The following ITPRID1 variants were observed in gnomAD, a reference collection of about 807,000 sequenced individuals.
ITPRID1 encodes protein ITPRID1.
ITPRID1 carries 96 observed loss-of-function variants against 95.4 expected under a neutral mutation model. The observed-to-expected ratio is 1.01, with a 90% CI of 0.85 to 1.19. The LOEUF (loss-of-function observed/expected upper bound fraction) is 1.19, where lower values mean the gene tolerates loss of function less well. Ranked by LOEUF, ITPRID1 falls within the 50% of genes most tolerant of loss-of-function variation. The probability of loss-of-function intolerance (pLI) is 0.00; values close to 1 mark genes in which losing one functional copy is unlikely to be tolerated. For synonymous variants in ITPRID1, 510 were observed against 453.6 expected, an observed-to-expected ratio of 1.12 and a Z score of -1.58; for missense variants, 1,339 against 1,252.9, an observed-to-expected ratio of 1.07 and a Z score of -1.04.
At chr7:31,636,810 G>A (rs1401205771) in intron 10 of ITPRID1, among the ~76,000 whole-genome samples, 6 of 151,284 alleles carry the variant, frequency 4.0e-5, no homozygotes, top group African/African-American at 1.2e-4. Flanking sequence ...CATGTGCCAT[G>A]TTGGTGTGCT....
chr7:31,601,555 A>T (rs1477992516), intron 10 of ITPRID1, among the ~76,000 whole-genome samples: 1 of 152,208 alleles, frequency 6.6e-6, no homozygotes, highest in Non-Finnish European at 1.5e-5. Context: ...TTGCTCAAAG[A>T]TGAAAGAAAC....
At chr7:31,523,949 T>C (rs1783346654) in intron 1 of ITPRID1, among the ~76,000 whole-genome samples, 1 of 152,214 alleles carries the variant, frequency 6.6e-6, no homozygotes, top group Non-Finnish European at 1.5e-5. Context: ...TGTAAAAGTG[T>C]TGGTTCTTCT....
chr7:31,621,370 A>AC (rs200704847), intron 10 of ITPRID1, among the ~76,000 whole-genome samples: 22,189 of 22,260 alleles, frequency 1, 11,061 homozygotes, highest in Middle Eastern at 1. Flanking sequence ...AGGTCGGGTT[A>AC]CCTCAAAGGG....
At chr7:31,569,660 T>C (rs921119762) in intron 5 of ITPRID1, 98 bp from the exon 6 acceptor site, 1 of 1,010,954 alleles carries the variant, frequency 9.9e-7, no homozygotes, top group African/African-American at 1.6e-5. Context: ...ACCTTGGATA[T>C]GGAAATTCAA....
At chr7:31,614,453 T>C (rs755401041) in intron 10 of ITPRID1, among the ~76,000 whole-genome samples, 4 of 152,186 alleles carry the variant, frequency 2.6e-5, no homozygotes, top group African/African-American at 7.2e-5. Context: ...GCACCCATTA[T>C]GTGTCCAGGG....
rs764276318 is a variant in ITPRID1, at chr7:31,642,822, T to C, written c.1452T>C (p.Ser484=). The change falls in exon 12 of 15, where the codon TCT becomes TCC. Residue 484 remains serine, a synonymous_variant. Coordinates refer to ENST00000615280, the MANE Select transcript of ITPRID1 (RefSeq NM_001257967.3). ...ATTCCAAAAGTAGGGCGAGCATGTC[T>C]TTTTCAAGCCAAGAAGCGAATGCCT... The part of the protein sequence containing the change: ...GPDSKSRASM[S]FSSQEANALE... 3.7e-6 allele frequency: 6 copies of C among 1,613,694 alleles called. No individual in the cohort carries two copies. The highest frequency in any genetic ancestry group is 1.3e-5 in the African/African-American group (1 of 74,926).
chr7:31,641,191 G>A (rs1789983026), intron 10 of ITPRID1, among the ~76,000 whole-genome samples: 1 of 152,108 alleles, frequency 6.6e-6, no homozygotes, highest in Non-Finnish European at 1.5e-5. Context: ...GCAGAGGCTG[G>A]GATCATTTCC....
In ITPRID1 at chr7:31,652,024, C is replaced by G. The variant is rs761551734; in HGVS notation, c.2797C>G (p.Gln933Glu). Residue 933 changes from glutamine (Q) to glutamate (E), a missense_variant, in exon 14 of 15, where the codon CAG (glutamine) becomes GAG (glutamate). By Grantham distance (29) the Gln-to-Glu change is conservative. Coordinates refer to ENST00000615280, the MANE Select transcript of ITPRID1 (RefSeq NM_001257967.3). The part of the protein sequence containing the change: ...ELEFQLGDRA[Q>E]QIREGILLQL... ...GGAATTTCAGTTAGGAGACCGGGCT[C>G]AGCAAATCAGAGAAGGGATTTTACT... is the stretch of plus-strand genomic sequence containing the variant. 6.2e-7 allele frequency: 1 copy of G among 1,601,990 alleles called. No homozygotes were observed. The highest frequency in any genetic ancestry group is 1.1e-5 in the South Asian group (1 of 88,264).
At chr7:31,640,412 T>TCCC (rs1789913072) in intron 10 of ITPRID1, among the ~76,000 whole-genome samples, 1 of 152,178 alleles carries the variant, frequency 6.6e-6, no homozygotes, top group Non-Finnish European at 1.5e-5. Flanking sequence ...AGCTCCTTCC[T>TCCC]CTCCTCTGTG....
intron 1 of ITPRID1, among the ~76,000 whole-genome samples, chr7:31,535,686 T>A (rs1783736350): frequency 6.6e-6 from 1 of 152,088 alleles, no homozygotes; most frequent in Admixed American, 6.6e-5. Context: ...TTTTTTAACA[T>A]CTGAAATGCT....
At chr7:31,597,917 A>T (rs963788062) in intron 10 of ITPRID1, among the ~76,000 whole-genome samples, 1 of 152,186 alleles carries the variant, frequency 6.6e-6, no homozygotes, top group African/African-American at 2.4e-5. Context: ...GCCATAGTTT[A>T]AAAAATGGAT....
At chr7:31,581,985 A>C (rs1055358796) in intron 9 of ITPRID1, among the ~76,000 whole-genome samples, 1 of 152,210 alleles carries the variant, frequency 6.6e-6, no homozygotes, top group African/African-American at 2.4e-5. Context: ...CTATATTCTC[A>C]TGGTCCCTAG....
intron 10 of ITPRID1, among the ~76,000 whole-genome samples, chr7:31,586,678 G>A (rs1052860474): frequency 6.6e-6 from 1 of 152,128 alleles, no homozygotes; most frequent in Non-Finnish European, 1.5e-5. Flanking sequence ...CCCACTTTTT[G>A]ATGGGGTTGT....
chr7:31,606,748 T>A (rs576312773), intron 10 of ITPRID1, among the ~76,000 whole-genome samples: 1 of 152,308 alleles, frequency 6.6e-6, no homozygotes, highest in East Asian at 1.9e-4. Flanking sequence ...ATGGAGATGT[T>A]GAAAAAAATA....
chr7:31,528,387 C>T (rs746284956), intron 1 of ITPRID1, among the ~76,000 whole-genome samples: 18 of 152,110 alleles, frequency 1.2e-4, no homozygotes, highest in East Asian at 1.9e-4. Flanking sequence ...CATGGCATTT[C>T]GGTTAAAGTA....
downstream of ITPRID1, chr7:31,658,560 G>A (rs1243781951): frequency 9.6e-6 from 4 of 417,670 alleles, no homozygotes; most frequent in East Asian, 1.5e-4. Context: ...ATTTCAAATT[G>A]TAATTTAAAA....
intron 10 of ITPRID1, among the ~76,000 whole-genome samples, chr7:31,600,397 ATTGT>A (rs1562599763): frequency 6.6e-6 from 1 of 152,234 alleles, no homozygotes; most frequent in Non-Finnish European, 1.5e-5. Flanking sequence ...AATAAAGGGG[ATTGT>A]TTAAAAAATG....
In ITPRID1 at chr7:31,569,045, G is replaced by A. The variant is rs79693641; in HGVS notation, c.257-713G>A. On this transcript the variant is annotated intron_variant, in intron 5 of 14. Coordinates refer to ENST00000615280, the MANE Select transcript of ITPRID1 (RefSeq NM_001257967.3). ...TGTAATATGCTTAGCACATTGCCTCGCACTAAGTTAGTGCTAAATAGTCAA... is the reference window on the plus strand; with the variant it reads ...TGTAATATGCTTAGCACATTGCCTCACACTAAGTTAGTGCTAAATAGTCAA... Among the ~76,000 whole-genome samples, 172 of 152,236 alleles carry A rather than the reference G, an allele frequency of 1.1e-3. 1 individual carries two copies. Among genetic ancestry groups the A allele is most frequent in the African/African-American group, 3.9e-3 (163 of 41,552 alleles).
chr7:31,656,687 T>C (rs1791321438), downstream of ITPRID1, among the ~76,000 whole-genome samples: 1 of 152,138 alleles, frequency 6.6e-6, no homozygotes. Flanking sequence ...GAGTTTAGAT[T>C]GTAAAAAGGG....
Sources: allele counts gnomAD v4.1 joint callset (sites outside exome capture counted in the v4.1 genomes callset), GRCh38; gene constraint gnomAD v4.1.1; transcripts MANE v1.5; gene names NCBI Gene and HGNC (gene_info 2026-07-23, HGNC 2026-07-21).